Variants in NCOA6 observed in about 807,000 individuals in gnomAD.
NCOA6 encodes the protein NRC RAP250.
In NCOA6, 49 loss-of-function variants were observed where a neutral mutation model predicts 171.4. The ratio of observed to expected loss-of-function variants is 0.29; its 90% CI spans 0.23 to 0.36. NCOA6 has a LOEUF of 0.36. Ranked by LOEUF, NCOA6 falls within the 10% of genes least tolerant of loss-of-function variation. The probability of loss-of-function intolerance (pLI) is 1.00; values close to 1 mark genes in which losing one functional copy is unlikely to be tolerated. For synonymous variants in NCOA6, 910 were observed against 927.5 expected (o/e 0.98, Z 0.34); for missense variants, 2,248 against 2,554.5 (o/e 0.88, Z 2.59).
Position 34,715,207 on chromosome 20 carries a change from C to A in NCOA6, c.*115G>T. On this transcript the variant is annotated 3_prime_UTR_variant, in exon 15 of 15. Coordinates refer to ENST00000359003, the MANE Select transcript of NCOA6 (RefSeq NM_014071.5). ...CAGGTTGCAGGGACTAGGAAAAGGGCCACATTATTAAAATTACTAACTGTA... is the reference window on the plus strand; with the variant it reads ...CAGGTTGCAGGGACTAGGAAAAGGGACACATTATTAAAATTACTAACTGTA... 1 of 1,378,632 alleles carries A rather than the reference C, an allele frequency of 7.3e-7. No individual in the cohort carries two copies. The allele number at this position is 1,378,632 out of a possible 1,614,324, so 85.4% of individuals were successfully genotyped here. A position where few individuals can be genotyped will look rare whatever the true frequency, so the allele number is the denominator to read the frequency against.
At chr20:34,739,811 T>C (rs2076075612) in intron 11 of NCOA6, among the ~76,000 whole-genome samples, 2 of 152,222 alleles carry the variant, frequency 1.3e-5, no homozygotes, top group South Asian at 2.1e-4. Flanking sequence ...GAAAAACTTA[T>C]ATAAATGAAA....
At chr20:34,722,054 CAAAAAAAAAAAAA>C (rs71196757) in intron 14 of NCOA6, among the ~76,000 whole-genome samples, 29 of 63,412 alleles carry the variant, frequency 4.6e-4, no homozygotes, top group Middle Eastern at 0.015. Context: ...GACCCTGTCT[CAAAAAAAAAAAAA>C]AAAAAAAAAA....
At chr20:34,808,832 G>A (rs957137801) in intron 1 of NCOA6, among the ~76,000 whole-genome samples, 6 of 152,196 alleles carry the variant, frequency 3.9e-5, no homozygotes, top group Non-Finnish European at 1.5e-5. Context: ...CTGGGGAAGG[G>A]AAAGGGACAA....
intron 3 of NCOA6, among the ~76,000 whole-genome samples, chr20:34,777,958 A>C (rs966223533): frequency 6.6e-6 from 1 of 152,164 alleles, no homozygotes; most frequent in Non-Finnish European, 1.5e-5. Flanking sequence ...ACCAGGCTGG[A>C]GTGCAATGGC....
At chr20:34,716,065 G>A (rs1988536282) in intron 14 of NCOA6, among the ~76,000 whole-genome samples, 2 of 151,842 alleles carry the variant, frequency 1.3e-5, no homozygotes, top group South Asian at 2.1e-4. Flanking sequence ...AAAAATACAC[G>A]AAAAACTAGC....
chr20:34,752,554 C>CAAGAGAAAGTAGGGTGAGAG (rs1414315488), intron 8 of NCOA6, among the ~76,000 whole-genome samples: 1 of 152,036 alleles, frequency 6.6e-6, no homozygotes, highest in Non-Finnish European at 1.5e-5. Flanking sequence ...TAAAAGCTAA[C>CAAGAGAAAGTAGGGTGAGAG]AAGAGAAAGT....
At chr20:34,744,819 T>C (rs2145622605) in intron 10 of NCOA6, among the ~76,000 whole-genome samples, 1 of 152,318 alleles carries the variant, frequency 6.6e-6, no homozygotes, top group East Asian at 1.9e-4. Context: ...GTTCCCACAT[T>C]AAGAAATTTG....
chr20:34,732,655 G>A, intron 12 of NCOA6, 60 bp from the exon 13 acceptor site: 4 of 1,456,734 alleles, frequency 2.7e-6, no homozygotes, highest in Non-Finnish European at 3.8e-6. Flanking sequence ...GAGAAGCTAG[G>A]AGTCTACAAG....
chr20:34,736,075 C>T (rs2075948320), intron 12 of NCOA6, among the ~76,000 whole-genome samples: 1 of 152,166 alleles, frequency 6.6e-6, no homozygotes, highest in East Asian at 1.9e-4. Flanking sequence ...CCATCATCCT[C>T]ATGTATTCTG....
At chr20:34,813,980 GA>G (rs917166686) in intron 1 of NCOA6, among the ~76,000 whole-genome samples, 2 of 151,906 alleles carry the variant, frequency 1.3e-5, no homozygotes, top group African/African-American at 4.8e-5. Context: ...TATATTCTAA[GA>G]AAAAAACTGG....
intron 1 of NCOA6, among the ~76,000 whole-genome samples, chr20:34,800,342 T>A (rs538066849): frequency 1.4e-4 from 21 of 151,984 alleles, no homozygotes; most frequent in South Asian, 6.2e-4. Context: ...AGAAAACCAA[T>A]AACAAAACGG....
intron 1 of NCOA6, among the ~76,000 whole-genome samples, chr20:34,801,963 CA>C (rs1463160177): frequency 6.6e-6 from 1 of 152,142 alleles, no homozygotes; most frequent in East Asian, 1.9e-4. Context: ...TGAATTCTAC[CA>C]AACATTTAAG....
intron 1 of NCOA6, among the ~76,000 whole-genome samples, chr20:34,818,516 A>C (rs2078910289): frequency 6.6e-6 from 1 of 152,130 alleles, no homozygotes; most frequent in African/African-American, 2.4e-5. Context: ...TAATTCCAAC[A>C]ACACCCTTAT....
chr20:34,805,681 T>C (rs1056938342), intron 1 of NCOA6, among the ~76,000 whole-genome samples: 1 of 151,576 alleles, frequency 6.6e-6, no homozygotes, highest in Non-Finnish European at 1.5e-5. Context: ...AGTTCTCTTC[T>C]TAGCTTTTTT....
intron 1 of NCOA6, among the ~76,000 whole-genome samples, chr20:34,805,678 T>G (rs912454436): frequency 2.0e-5 from 3 of 151,716 alleles, no homozygotes; most frequent in Non-Finnish European, 4.4e-5. Context: ...GGTAGTTCTC[T>G]TCTTAGCTTT....
chr20:34,791,692 A>C (rs2077891094), intron 2 of NCOA6, among the ~76,000 whole-genome samples: 1 of 152,246 alleles, frequency 6.6e-6, no homozygotes, highest in Non-Finnish European at 1.5e-5. Flanking sequence ...CATTTAATGT[A>C]AACAATGACT....
At chr20:34,745,437 A>T (rs1047027233) in intron 10 of NCOA6, among the ~76,000 whole-genome samples, 1 of 152,234 alleles carries the variant, frequency 6.6e-6, no homozygotes, top group East Asian at 1.9e-4. Context: ...CCTTCTGGAC[A>T]TACTCCCCAA....
intron 11 of NCOA6, among the ~76,000 whole-genome samples, chr20:34,737,386 C>T (rs1353175452): frequency 1.3e-5 from 2 of 152,238 alleles, no homozygotes; most frequent in Non-Finnish European, 2.9e-5. Context: ...ACTATATCCT[C>T]TTGCACATCA....
At position 34,817,198 on chromosome 20, in the gene NCOA6, AGATTC is replaced by A. The variant is rs1176808011; in HGVS notation, c.-164+8269_-164+8273del. On this transcript the variant is annotated intron_variant, in intron 1 of 14. Transcript: ENST00000359003. ...GGGTACTACGGAACTGATATTCAAC[AGATTC>A]AATATCAGTAAAGGAGCTGATTAAT... Among the ~76,000 whole-genome samples the A allele has an allele frequency of 1.1e-3, 136 of 128,840 alleles. 32 individuals are homozygous for A. Among genetic ancestry groups the A allele is most frequent in the Non-Finnish European group, 1.4e-3 (77 of 56,596 alleles). The allele number at this position is 128,840 out of a possible 152,430, so 84.5% of individuals were successfully genotyped here.
Sources: gnomAD v4.1 joint callset for allele counts (sites outside exome capture counted in the v4.1 genomes callset) on GRCh38, gnomAD v4.1.1 for gene constraint, MANE v1.5 for transcripts, NCBI Gene and HGNC (gene_info 2026-07-23, HGNC 2026-07-21) for gene names.